PALM2AKAP2: variants seen among roughly 807,000 people sequenced by gnomAD.
PALM2AKAP2 encodes the protein PALM2-AKAP2 fusion protein.
Under a neutral mutation model 71.5 loss-of-function variants are expected in PALM2AKAP2, and 37 were observed. The ratio of observed to expected loss-of-function variants is 0.52; its 90% CI spans 0.40 to 0.68. PALM2AKAP2 has a LOEUF of 0.68. Among genes scored for constraint, PALM2AKAP2 ranks in the 30% least tolerant of loss-of-function variants. The pLI, the probability that PALM2AKAP2 is intolerant of heterozygous loss-of-function variation, is 0.00. For missense variants in PALM2AKAP2, 1,224 were observed against 1,191.8 expected, an observed-to-expected ratio of 1.03 and a Z score of -0.40; for synonymous variants, 468 against 478.8, an observed-to-expected ratio of 0.98 and a Z score of 0.29.
intron 3 of PALM2AKAP2, among the ~76,000 whole-genome samples, chr9:109,903,792 ATTTT>A (rs759047872): frequency 1.4e-5 from 2 of 141,196 alleles, no homozygotes. Context: ...GATTTTCTGG[ATTTT>A]TTTTTTTTTT....
At chr9:110,158,752 G>C (rs567212275) in intron 3 of PALM2AKAP2, among the ~76,000 whole-genome samples, 2 of 152,264 alleles carry the variant, frequency 1.3e-5, no homozygotes, top group Admixed American at 1.3e-4. Context: ...TAATATCCCT[G>C]GATCTTGGAT....
chr9:110,164,528 CTTT>C (rs35588802), intron 3 of PALM2AKAP2, among the ~76,000 whole-genome samples: 39,060 of 128,662 alleles, frequency 0.3, 4,986 homozygotes, highest in East Asian at 0.59. Flanking sequence ...ATTTAGTTTA[CTTT>C]TTTTTTTTTT....
At chr9:109,743,373 A>G (rs186888425) in intron 1 of PALM2AKAP2, among the ~76,000 whole-genome samples, 58 of 151,974 alleles carry the variant, frequency 3.8e-4, no homozygotes, top group Admixed American at 3.9e-4. Flanking sequence ...TAGGAGCAAT[A>G]CCCCACCCGT....
At chr9:109,776,284 A>G (rs1197734932), upstream of PALM2AKAP2, among the ~76,000 whole-genome samples, 1 of 152,220 alleles carries the variant, frequency 6.6e-6, no homozygotes, top group African/African-American at 2.4e-5. Context: ...AAGAGGAAAA[A>G]AGATTTTCCC....
At chr9:109,751,301 T>C (rs1296056728) in intron 1 of PALM2AKAP2, among the ~76,000 whole-genome samples, 1 of 152,156 alleles carries the variant, frequency 6.6e-6, no homozygotes, top group Non-Finnish European at 1.5e-5. Flanking sequence ...TTGAAACATT[T>C]TAAGGATGTT....
At chr9:110,059,670 G>A (rs1833920069) in intron 1 of PALM2AKAP2, among the ~76,000 whole-genome samples, 1 of 152,214 alleles carries the variant, frequency 6.6e-6, no homozygotes, top group Non-Finnish European at 1.5e-5. Flanking sequence ...TTTGGACTCA[G>A]AGACTAGGGC....
intron 1 of PALM2AKAP2, among the ~76,000 whole-genome samples, chr9:109,861,908 G>T (rs1167884775): frequency 1.3e-5 from 2 of 152,140 alleles, no homozygotes; most frequent in African/African-American, 4.8e-5. Flanking sequence ...TGAGGGATAT[G>T]GACAAACAGG....
chr9:109,935,002 A>G (rs1159764308), intron 6 of PALM2AKAP2, among the ~76,000 whole-genome samples: 1 of 152,230 alleles, frequency 6.6e-6, no homozygotes, highest in Non-Finnish European at 1.5e-5. Flanking sequence ...GGAGGCACTG[A>G]GGAACCACAG....
intron 7 of PALM2AKAP2, among the ~76,000 whole-genome samples, chr9:110,034,097 G>T (rs952077990): frequency 2.0e-5 from 3 of 152,176 alleles, no homozygotes; most frequent in African/African-American, 7.2e-5. Context: ...TAACCACAGT[G>T]CCAGGGCACC....
intron 1 of PALM2AKAP2, among the ~76,000 whole-genome samples, chr9:109,774,789 A>G (rs186172005): frequency 6.6e-5 from 10 of 152,286 alleles, no homozygotes; most frequent in Admixed American, 4.6e-4. Flanking sequence ...CAGAGCACCT[A>G]CCATGGCCAA....
chr9:109,938,863 T>A (rs1831291414), intron 6 of PALM2AKAP2, among the ~76,000 whole-genome samples: 1 of 152,032 alleles, frequency 6.6e-6, no homozygotes, highest in Non-Finnish European at 1.5e-5. Flanking sequence ...ACCCCATCTC[T>A]ACTGAAAATA....
At chr9:109,864,051 ACT>A (rs1564186041) in intron 1 of PALM2AKAP2, among the ~76,000 whole-genome samples, 1 of 149,512 alleles carries the variant, frequency 6.7e-6, no homozygotes, top group Non-Finnish European at 1.5e-5. Flanking sequence ...ACAGACTGAG[ACT>A]CTGTCTCAAA....
At chr9:109,891,146 G>C (rs1011918040) in intron 3 of PALM2AKAP2, among the ~76,000 whole-genome samples, 3 of 152,166 alleles carry the variant, frequency 2.0e-5, no homozygotes, top group African/African-American at 4.8e-5. Context: ...GAAGGATCAG[G>C]CATCTTTAAA....
At chr9:109,994,182 T>A (rs572997036) in intron 6 of PALM2AKAP2, among the ~76,000 whole-genome samples, 10 of 152,222 alleles carry the variant, frequency 6.6e-5, no homozygotes, top group Non-Finnish European at 1.5e-4. Context: ...ATCAGAGTGA[T>A]CCTGTGTCAT....
At chr9:110,004,266 T>C (rs975149963) in intron 6 of PALM2AKAP2, among the ~76,000 whole-genome samples, 1 of 152,160 alleles carries the variant, frequency 6.6e-6, no homozygotes, top group African/African-American at 2.4e-5. Context: ...CTGTGAAGTA[T>C]TTTATTTCTC....
Position 110,049,144 on chromosome 9 carries a change from C to T in PALM2AKAP2, c.156+289C>T, listed in dbSNP as rs563456487. ...ATTTATATATGCTTTAAAAACTAAA[C>T]GCAGGACTCCGCTTCTCCCTGTATA... On this transcript the variant is annotated intron_variant, in intron 1 of 3. Transcript: ENST00000374525. Among the ~76,000 whole-genome samples the T allele has an allele frequency of 2.6e-5, 4 of 152,282 alleles. No homozygotes were observed. The South Asian group carries it at 8.3e-4, about 32-fold the overall frequency.
intron 1 of PALM2AKAP2, among the ~76,000 whole-genome samples, chr9:109,732,528 G>T (rs1048509116): frequency 6.6e-6 from 1 of 152,194 alleles, no homozygotes; most frequent in Non-Finnish European, 1.5e-5. Flanking sequence ...TGGTGGGCAC[G>T]CAAGGTTAGA....
intron 1 of PALM2AKAP2, among the ~76,000 whole-genome samples, chr9:109,708,463 A>G (rs1429462317): frequency 6.6e-6 from 1 of 152,240 alleles, no homozygotes; most frequent in Non-Finnish European, 1.5e-5. Context: ...ATCAAGCATC[A>G]TATGGCAAAA....
chr9:110,021,084 T>C (rs1054409002), intron 7 of PALM2AKAP2, among the ~76,000 whole-genome samples: 4 of 152,198 alleles, frequency 2.6e-5, no homozygotes, highest in Non-Finnish European at 4.4e-5. Flanking sequence ...CCAGCCTGGG[T>C]GACAGAGTGA....
Sources: gnomAD v4.1 joint callset for allele counts (sites outside exome capture counted in the v4.1 genomes callset) on GRCh38, gnomAD v4.1.1 for gene constraint, MANE v1.5 for transcripts, NCBI Gene and HGNC (gene_info 2026-07-23, HGNC 2026-07-21) for gene names.